OPCML: variants seen among roughly 807,000 people sequenced by gnomAD.
OPCML encodes the protein opioid binding protein/cell adhesion molecule like.
Under a neutral mutation model 37.8 loss-of-function variants are expected in OPCML, and 13 were observed. The observed-to-expected ratio is 0.34, with a 90% CI of 0.22 to 0.55. The LOEUF (loss-of-function observed/expected upper bound fraction) is 0.55. OPCML is among the 20% of genes least tolerant of loss of function. The pLI, the probability that OPCML is intolerant of heterozygous loss-of-function variation, is 0.91. For missense variants in OPCML, 341 were observed against 435.6 expected (o/e 0.78, Z 1.93); for synonymous variants, 176 against 168.8 (o/e 1.04, Z -0.33).
At chr11:133,260,590 G>A (rs919938852) in intron 1 of OPCML, among the ~76,000 whole-genome samples, 2 of 152,158 alleles carry the variant, frequency 1.3e-5, no homozygotes, top group Admixed American at 6.5e-5. Context: ...ATCTGCAGTG[G>A]AACAGCAGGA....
chr11:132,771,092 C>G (rs1451615617), intron 2 of OPCML, among the ~76,000 whole-genome samples: 1 of 152,146 alleles, frequency 6.6e-6, no homozygotes, highest in Non-Finnish European at 1.5e-5. Flanking sequence ...GAAGAGCAAC[C>G]AACTTTAACC....
chr11:133,381,585 G>A (rs1944928434), intron 1 of OPCML, among the ~76,000 whole-genome samples: 1 of 152,162 alleles, frequency 6.6e-6, no homozygotes, highest in African/African-American at 2.4e-5. Context: ...TCACACCCCT[G>A]GAGAAAGTGT....
intron 1 of OPCML, among the ~76,000 whole-genome samples, chr11:132,963,999 G>GC (rs1946156295): frequency 6.6e-6 from 1 of 152,050 alleles, no homozygotes; most frequent in Admixed American, 6.5e-5. Context: ...TCAGGCTTGT[G>GC]CCCACTCTGC....
At chr11:133,097,434 C>A (rs909453806) in intron 1 of OPCML, among the ~76,000 whole-genome samples, 10 of 152,096 alleles carry the variant, frequency 6.6e-5, no homozygotes, top group African/African-American at 2.4e-4. Context: ...CTAAAACCAA[C>A]AATCTAATAT....
intron 2 of OPCML, among the ~76,000 whole-genome samples, chr11:132,902,608 C>A (rs1293599695): frequency 6.6e-6 from 1 of 152,042 alleles, no homozygotes; most frequent in Non-Finnish European, 1.5e-5. Context: ...AAATGACAAC[C>A]CAGAAGTCTG....
intron 2 of OPCML, among the ~76,000 whole-genome samples, chr11:132,937,477 A>T (rs1474238539): frequency 2.2e-5 from 3 of 137,158 alleles, no homozygotes; most frequent in Non-Finnish European, 3.3e-5. Context: ...AAACAGGGGG[A>T]CAGAGAGAGA....
intron 1 of OPCML, among the ~76,000 whole-genome samples, chr11:133,044,240 C>T (rs542159472): frequency 1.3e-5 from 2 of 152,204 alleles, no homozygotes; most frequent in South Asian, 4.1e-4. Context: ...CATCCTTCTG[C>T]TGAAGGTGGG....
At chr11:132,687,257 T>G (rs1456218343) in intron 2 of OPCML, among the ~76,000 whole-genome samples, 4 of 150,734 alleles carry the variant, frequency 2.7e-5, no homozygotes, top group Non-Finnish European at 5.9e-5. Context: ...TTTGCCGTAT[T>G]ATGTTGTTTT....
intron 2 of OPCML, among the ~76,000 whole-genome samples, chr11:132,676,252 C>T (rs749173404): frequency 1.1e-4 from 16 of 152,050 alleles, no homozygotes; most frequent in South Asian, 2.1e-4. Context: ...CAATTGAATA[C>T]AGCTGGAACT....
At chr11:133,412,453 G>A (rs1945670857) in intron 1 of OPCML, among the ~76,000 whole-genome samples, 2 of 152,202 alleles carry the variant, frequency 1.3e-5, no homozygotes, top group South Asian at 2.1e-4. Context: ...TGGGTGCAGA[G>A]CACTTTAGAG....
At chr11:133,231,850 C>T (rs1009307982) in intron 1 of OPCML, among the ~76,000 whole-genome samples, 7 of 151,926 alleles carry the variant, frequency 4.6e-5, no homozygotes, top group African/African-American at 1.5e-4. Context: ...GGAGAAGGGG[C>T]AAGGAAAGTA....
intron 2 of OPCML, among the ~76,000 whole-genome samples, chr11:132,832,999 T>G (rs115515883): frequency 6.6e-6 from 1 of 152,222 alleles, no homozygotes; most frequent in East Asian, 1.9e-4. Flanking sequence ...GTGCTCTGGC[T>G]AAGTCAGTCA....
chr11:133,264,743 G>GA (rs1299126328), intron 1 of OPCML, among the ~76,000 whole-genome samples: 13 of 145,200 alleles, frequency 9.0e-5, no homozygotes, highest in Non-Finnish European at 1.7e-4. Flanking sequence ...TTTCAACAGA[G>GA]AAAAATACAC....
At chr11:132,931,886 G>T (rs1408744322) in intron 2 of OPCML, among the ~76,000 whole-genome samples, 1 of 152,094 alleles carries the variant, frequency 6.6e-6, no homozygotes, top group African/African-American at 2.4e-5. Context: ...TCAATCAAAG[G>T]ATGAATGAAT....
chr11:133,114,967 A>G lies in OPCML; in HGVS notation c.62-171957T>C, dbSNP rs186079556. The stretch of plus-strand genomic sequence containing the variant: ...AAAACTTGAAATTTCTTTCAGTTCT[A>G]TCTTTTATCTGTTGGTATTTTGTGC... On this transcript the variant is annotated intron_variant, in intron 1 of 7. Coordinates refer to ENST00000524381, the MANE Select transcript of OPCML (RefSeq NM_001012393.5). Among the ~76,000 whole-genome samples, 311 of 152,298 alleles carry G rather than the reference A, an allele frequency of 2.0e-3. 1 individual carries two copies. Among genetic ancestry groups the G allele is most frequent in the African/African-American group, 7.2e-3 (298 of 41,570 alleles).
At chr11:133,132,182 C>T (rs187618513) in intron 1 of OPCML, among the ~76,000 whole-genome samples, 53 of 152,214 alleles carry the variant, frequency 3.5e-4, no homozygotes, top group East Asian at 2.5e-3. Context: ...CATAATTTAA[C>T]GCTAAGAAAT....
At chr11:132,574,757 A>G (rs1192757900) in intron 3 of OPCML, among the ~76,000 whole-genome samples, 2 of 151,892 alleles carry the variant, frequency 1.3e-5, no homozygotes. Flanking sequence ...GGAATGTTCT[A>G]TATATGTCCA....
At chr11:133,008,413 C>T in intron 1 of OPCML, 3 of 985,250 alleles carry the variant, frequency 3.0e-6, no homozygotes, top group Non-Finnish European at 3.6e-6. Context: ...CTCAGGAGGT[C>T]CTTTTCTGAT....
chr11:132,656,172 C>T (rs1371090303), intron 3 of OPCML, among the ~76,000 whole-genome samples: 4 of 152,074 alleles, frequency 2.6e-5, no homozygotes, highest in African/African-American at 9.7e-5. Flanking sequence ...TGCCGTGAGC[C>T]AACACCTGAC....
Sources: allele counts gnomAD v4.1 joint callset (sites outside exome capture counted in the v4.1 genomes callset), GRCh38; gene constraint gnomAD v4.1.1; transcripts MANE v1.5; gene names NCBI Gene and HGNC (gene_info 2026-07-23, HGNC 2026-07-21).